The following MIEF1 variants were observed in gnomAD, a reference collection of about 807,000 sequenced individuals.
MIEF1 encodes the protein mitochondrial dynamics protein MIEF1.
Under a neutral mutation model 35.1 loss-of-function variants are expected in MIEF1, and 14 were observed. The observed-to-expected ratio is 0.40, with a 90% CI of 0.26 to 0.62. MIEF1 has a LOEUF of 0.62. Ranked by LOEUF, MIEF1 falls within the 20% of genes least tolerant of loss-of-function variation. MIEF1 has a pLI of 0.43. For missense variants in MIEF1, 542 were observed against 615.4 expected, an observed-to-expected ratio of 0.88 and a Z score of 1.26; for synonymous variants, 245 against 254.3, an observed-to-expected ratio of 0.96 and a Z score of 0.35.
At position 39,514,286 on chromosome 22, in the gene MIEF1, G is replaced by A. The variant is rs1204101306; in HGVS notation, c.1355G>A (p.Cys452Tyr). 3 of 1,614,060 alleles carry A rather than the reference G, an allele frequency of 1.9e-6. No homozygotes were observed. The South Asian group carries it at 3.3e-5, about 18-fold the overall frequency. The change falls in exon 6 of 6, where the codon TGC becomes TAC. Residue 452 changes from cysteine to tyrosine, a missense_variant. Physicochemically the swap from Cys to Tyr is radical, Grantham distance 194. Transcript: ENST00000325301. ...GACGAATTAGGATACACTCTGTATT[G>A]CTCATTGTCTGAGCCAGAGGTGCTG... ...EIDELGYTLY[C>Y]SLSEPEVLLQ...
At chr22:39,508,962 A>G (rs1767511891) in intron 2 of MIEF1, among the ~76,000 whole-genome samples, 1 of 152,056 alleles carries the variant, frequency 6.6e-6, no homozygotes, top group Non-Finnish European at 1.5e-5. Context: ...TATTAGAAGG[A>G]ATGTTATTTT....
At chr22:39,510,329 G>A (rs138002403) in intron 2 of MIEF1, among the ~76,000 whole-genome samples, 394 of 152,196 alleles carry the variant, frequency 2.6e-3, no homozygotes, top group African/African-American at 9.0e-3. Flanking sequence ...GTGCAGTGGC[G>A]TGATCATAGC....
In MIEF1 at chr22:39,514,159, C is replaced by T; in HGVS notation, c.1228C>T (p.Gln410Ter). 1 of 1,614,210 alleles carries T rather than the reference C, an allele frequency of 6.2e-7. No individual in the cohort carries two copies. The highest frequency in any genetic ancestry group is 8.5e-7 in the Non-Finnish European group (1 of 1,180,038). Residue 410 changes from glutamine (Q) to a stop codon, truncating the protein, a stop_gained, in exon 6 of 6, where the codon CAG (glutamine) becomes TAG (stop). Transcript: ENST00000325301. LOFTEE classifies it high-confidence loss of function. ...GGATATGCTGGCCGACCGTTTCCTG[C>T]AGGCCTTGAGGGGACTTATCAGCTA... Reference protein sequence around the residue: ...SPDMLADRFLQALRGLISYLE... With the variant: ...SPDMLADRFL
At position 39,511,911 on chromosome 22, in the gene MIEF1, G is replaced by C; in HGVS notation, c.207G>C (p.Arg69Ser). 6.2e-7 allele frequency: 1 copy of C among 1,614,218 alleles called. No homozygotes were observed. Among genetic ancestry groups the C allele is most frequent in the Non-Finnish European group, 8.5e-7 (1 of 1,180,032 alleles). The stretch of plus-strand genomic sequence containing the variant: ...CCCGCCTGAGCCATTCGGGGAAAAG[G>C]AGCTGGGAAGAACCCAACTGGATGG... ...SPTRLSHSGK[R>S]SWEEPNWMGS... Residue 69 changes from arginine (R) to serine (S), a missense_variant, in exon 4 of 6, where the codon AGG (arginine) becomes AGC (serine). By Grantham distance (110) the Arg-to-Ser change is moderately radical. Transcript: ENST00000325301.
chr22:39,513,269 T>A (rs1214548747), intron 5 of MIEF1, among the ~76,000 whole-genome samples: 2 of 152,008 alleles, frequency 1.3e-5, no homozygotes, highest in African/African-American at 4.8e-5. Context: ...CCTGGCTAAT[T>A]TTTTTGTATT....
intron 5 of MIEF1, 22 bp from the exon 6 acceptor site, chr22:39,513,495 C>G: frequency 6.2e-7 from 1 of 1,609,722 alleles, no homozygotes. Context: ...CCCTCAAAAC[C>G]CTTTAAATTC....
At position 39,513,900 on chromosome 22, in the gene MIEF1, G is replaced by C. The variant is rs1930506555; in HGVS notation, c.969G>C (p.Leu323Phe). 1.2e-6 allele frequency: 2 copies of C among 1,614,012 alleles called. No individual in the cohort carries two copies. The highest frequency in any genetic ancestry group is 1.3e-5 in the African/African-American group (1 of 75,030). The stretch of plus-strand genomic sequence containing the variant: ...CAGTGACCCTCGGTGACACAGTCTT[G>C]GTGGCCAAACCACACCGGCTAGCCC... The part of the protein sequence containing the change: ...LPSVTLGDTV[L>F]VAKPHRLAQY... The change falls in exon 6 of 6, where the codon TTG (leucine) becomes TTC (phenylalanine). Residue 323 changes from leucine (L) to phenylalanine (F), a missense_variant. Physicochemically the swap from Leu to Phe is conservative, Grantham distance 22. Transcript: ENST00000325301.
Position 39,516,327 on chromosome 22 carries a change from A to G in MIEF1, c.*2004A>G, listed in dbSNP as rs1048905184. 4 of 152,338 alleles carry G rather than the reference A, an allele frequency of 2.6e-5. No homozygotes were observed. Among genetic ancestry groups the G allele is most frequent in the African/African-American group, 9.6e-5 (4 of 41,576 alleles). 9.4% of individuals were successfully genotyped at this position (152,338 alleles called of 1,614,324 possible). A position where few individuals can be genotyped will look rare whatever the true frequency, so the allele number is the denominator to read the frequency against. On this transcript the variant is annotated 3_prime_UTR_variant, in exon 6 of 6. Coordinates refer to ENST00000325301, the MANE Select transcript of MIEF1 (RefSeq NM_019008.6). ...GCAAAAGTATAGATTATTCATTGAG[A>G]TAAAGGATTTGGTTTCCCTGCCATG...
chr22:39,516,737 G>A lies in MIEF1; in HGVS notation c.*2414G>A, dbSNP rs999784541. 1.3e-5 allele frequency: 2 copies of A among 152,152 alleles called. No homozygotes were observed. Among genetic ancestry groups the A allele is most frequent in the African/African-American group, 4.8e-5 (2 of 41,430 alleles). 9.4% of individuals were successfully genotyped at this position (152,152 alleles called of 1,614,324 possible). A position where few individuals can be genotyped will look rare whatever the true frequency, so the allele number is the denominator to read the frequency against. On this transcript the variant is annotated 3_prime_UTR_variant, in exon 6 of 6. Coordinates refer to ENST00000325301, the MANE Select transcript of MIEF1 (RefSeq NM_019008.6). ...AAAATTGGAAGAAGAGCTTAAAAAA[G>A]ATAAGATTTTAAAGAGTCCCAAGTT... is the stretch of plus-strand genomic sequence containing the variant.
intron 5 of MIEF1, 23 bp downstream of exon 5, chr22:39,512,517 G>A (rs1930406483): frequency 6.3e-7 from 1 of 1,593,010 alleles, no homozygotes. Context: ...TTCTCATGGT[G>A]GGTGGGGTTT....
intron 2 of MIEF1, among the ~76,000 whole-genome samples, chr22:39,507,208 G>C: frequency 6.6e-6 from 1 of 152,160 alleles, no homozygotes; most frequent in Non-Finnish European, 1.5e-5. Flanking sequence ...GTCCGTCCTT[G>C]GATGGTGGGC....
In MIEF1 at chr22:39,515,125, A is replaced by T; in HGVS notation, c.*802A>T. 1.6e-6 allele frequency: 1 copy of T among 628,262 alleles called. No homozygotes were observed. Among genetic ancestry groups the T allele is most frequent in the Non-Finnish European group, 2.9e-6 (1 of 342,732 alleles). 38.9% of individuals were successfully genotyped at this position (628,262 alleles called of 1,614,324 possible). A position where few individuals can be genotyped will look rare whatever the true frequency, so the allele number is the denominator to read the frequency against. ...TTTGTGTGCCCAGTGTCTGCTCGTCATCTGTGGCTGCAGGGGTCAGACAGA... is the reference window on the plus strand; with the variant it reads ...TTTGTGTGCCCAGTGTCTGCTCGTCTTCTGTGGCTGCAGGGGTCAGACAGA... On this transcript the variant is annotated 3_prime_UTR_variant, in exon 6 of 6. Transcript: ENST00000325301.
intron 1 of MIEF1, among the ~76,000 whole-genome samples, chr22:39,502,649 C>G (rs1478214466): frequency 2.6e-5 from 4 of 152,240 alleles, no homozygotes; most frequent in Non-Finnish European, 5.9e-5. Context: ...TCCAGTGCCC[C>G]GAAGCAGGCC....
chr22:39,512,624 C>T, intron 5 of MIEF1, 130 bp downstream of exon 5: 1 of 1,217,586 alleles, frequency 8.2e-7, no homozygotes, highest in Non-Finnish European at 1.1e-6. Flanking sequence ...TGTACCTCAG[C>T]AGCATTTGGA....
intron 2 of MIEF1, among the ~76,000 whole-genome samples, chr22:39,510,029 G>T (rs1449724342): frequency 2.0e-5 from 3 of 152,086 alleles, no homozygotes; most frequent in Non-Finnish European, 4.4e-5. Context: ...TGTGATCTCG[G>T]CTCACTGCAA....
Position 39,511,918 on chromosome 22 carries a change from G to A in MIEF1, c.214G>A (p.Glu72Lys), listed in dbSNP as rs753195461. 5.0e-6 allele frequency: 8 copies of A among 1,614,206 alleles called. No homozygotes were observed. The South Asian group carries it at 8.8e-5, about 18-fold the overall frequency. ...RLSHSGKRSW[E>K]EPNWMGSPRL... ...GAGCCATTCGGGGAAAAGGAGCTGGGAAGAACCCAACTGGATGGGCTCCCC... is the reference window on the plus strand; with the variant it reads ...GAGCCATTCGGGGAAAAGGAGCTGGAAAGAACCCAACTGGATGGGCTCCCC... The change falls in exon 4 of 6, where the codon GAA becomes AAA. Residue 72 changes from glutamate (E) to lysine (K), a missense_variant. Coordinates refer to ENST00000325301, the MANE Select transcript of MIEF1 (RefSeq NM_019008.6).
intron 2 of MIEF1, among the ~76,000 whole-genome samples, chr22:39,509,086 C>T (rs1930198620): frequency 6.6e-6 from 1 of 151,808 alleles, no homozygotes; most frequent in East Asian, 1.9e-4. Context: ...TCCCGAGTAG[C>T]TGGGATTACA....
At position 39,517,358 on chromosome 22, in the gene MIEF1, A is replaced by C. The variant is rs1930728797; in HGVS notation, c.*3035A>C. 1 of 266,862 alleles carries C rather than the reference A, an allele frequency of 3.7e-6. No homozygotes were observed. The highest frequency in any genetic ancestry group is 4.9e-5 in the Admixed American group (1 of 20,462). The allele number at this position is 266,862 out of a possible 1,614,324, so 16.5% of individuals were successfully genotyped here. ...TTTACATGCTTGGTTATGACTTTTA[A>C]AGTTTTATTTAAATAAATGTTGAAG... On this transcript the variant is annotated 3_prime_UTR_variant, in exon 6 of 6. Transcript: ENST00000325301.
At position 39,512,473 on chromosome 22, in the gene MIEF1, C is replaced by T. The variant is rs761749417; in HGVS notation, c.564C>T (p.Gly188=). 1.2e-6 allele frequency: 2 copies of T among 1,612,910 alleles called. No homozygotes were observed. The highest frequency in any genetic ancestry group is 1.7e-6 in the Non-Finnish European group (2 of 1,179,352). The stretch of plus-strand genomic sequence containing the variant: ...CGCTTCGGGACATGTACTTGAGTGG[C>T]AGCCTCTACGATGACCTGCAGGTAA... ...DMPLRDMYLS[G]SLYDDLQVVT... is the part of the protein sequence containing the mutation. The change falls in exon 5 of 6, where the codon GGC becomes GGT. Residue 188 remains glycine (G), a synonymous_variant. Coordinates refer to ENST00000325301, the MANE Select transcript of MIEF1 (RefSeq NM_019008.6).
Sources: gnomAD v4.1 joint callset for allele counts (sites outside exome capture counted in the v4.1 genomes callset) on GRCh38, gnomAD v4.1.1 for gene constraint, MANE v1.5 for transcripts, NCBI Gene and HGNC (gene_info 2026-07-23, HGNC 2026-07-21) for gene names.